Variants in CADPS2 observed in about 807,000 individuals in gnomAD.
CADPS2 encodes the protein calcium dependent secretion activator 2, also known as calcium-dependent secretion activator 2.
Under a neutral mutation model 172.5 loss-of-function variants are expected in CADPS2, and 93 were observed. The observed-to-expected ratio is 0.54, with a 90% confidence interval of 0.46 to 0.64. CADPS2 has a LOEUF of 0.64. Among genes scored for constraint, CADPS2 ranks in the 30% least tolerant of loss-of-function variants. CADPS2 has a pLI of 0.00. For synonymous variants in CADPS2, 546 were observed against 555.2 expected (o/e 0.98, Z 0.23); for missense variants, 1,420 against 1,565.9 (o/e 0.91, Z 1.57).
At position 122,447,543 on chromosome 7, in the gene CADPS2, A is replaced by ATTTTTTTTTTTTTTTTTTTTTTTTTT. The variant is rs1159112244; in HGVS notation, c.2288+3805_2288+3830dup. Among the ~76,000 whole-genome samples the ATTTTTTTTTTTTTTTTTTTTTTTTTT allele has an allele frequency of 5.2e-4, 47 of 89,796 alleles. 9 individuals carry two copies. Among genetic ancestry groups the ATTTTTTTTTTTTTTTTTTTTTTTTTT allele is most frequent in the East Asian group, 2.7e-3 (7 of 2,592 alleles). 58.9% of individuals were successfully genotyped at this position (89,796 alleles called of 152,430 possible). On this transcript the variant is annotated intron_variant, in intron 15 of 29. Coordinates refer to ENST00000449022, the MANE Select transcript of CADPS2 (RefSeq NM_017954.11). ...CCATGTTGATTTCTTGTTTCGGGGA[A>ATTTTTTTTTTTTTTTTTTTTTTTTTT]TTTTTTTTTTTTTTTTTTTTTTTTT...
intron 19 of CADPS2, chr7:122,413,140 G>A (rs1212183140): frequency 6.6e-6 from 1 of 152,366 alleles, no homozygotes; most frequent in African/African-American, 2.4e-5. Flanking sequence ...TGTGTGTGGA[G>A]GGGGGCATAC....
At chr7:122,529,831 T>C (rs1450633350) in intron 8 of CADPS2, among the ~76,000 whole-genome samples, 1 of 152,150 alleles carries the variant, frequency 6.6e-6, no homozygotes, top group Non-Finnish European at 1.5e-5. Flanking sequence ...CATTTATATC[T>C]GCTTTTCAGG....
intron 8 of CADPS2, among the ~76,000 whole-genome samples, chr7:122,529,758 C>A (rs894227253): frequency 6.6e-6 from 1 of 152,062 alleles, no homozygotes; most frequent in African/African-American, 2.4e-5. Context: ...AAATGTGGAT[C>A]CCGCTTGAAG....
At chr7:122,542,365 C>T (rs552165998) in intron 8 of CADPS2, among the ~76,000 whole-genome samples, 7 of 152,212 alleles carry the variant, frequency 4.6e-5, no homozygotes, top group African/African-American at 1.7e-4. Context: ...CTAACACTCT[C>T]GTTCTCTCAG....
At chr7:122,854,404 G>A (rs1402012974) in intron 1 of CADPS2, among the ~76,000 whole-genome samples, 1 of 152,130 alleles carries the variant, frequency 6.6e-6, no homozygotes, top group African/African-American at 2.4e-5. Flanking sequence ...TGCGTTCACT[G>A]CCTTCTACTC....
chr7:122,774,153 A>G (rs2093794382), intron 1 of CADPS2, among the ~76,000 whole-genome samples: 2 of 152,026 alleles, frequency 1.3e-5, no homozygotes, highest in African/African-American at 4.8e-5. Context: ...TGCCATATAT[A>G]TTAATCTCTA....
intron 2 of CADPS2, among the ~76,000 whole-genome samples, chr7:122,692,596 G>A (rs937755866): frequency 2.6e-5 from 4 of 152,132 alleles, no homozygotes; most frequent in African/African-American, 7.2e-5. Flanking sequence ...CCCATGCTGC[G>A]GCCACATAGC....
At chr7:122,346,125 G>C (rs954374338) in intron 27 of CADPS2, among the ~76,000 whole-genome samples, 1 of 152,076 alleles carries the variant, frequency 6.6e-6, no homozygotes, top group Non-Finnish European at 1.5e-5. Context: ...CCAGCACTTT[G>C]AAAGGCTGAG....
intron 8 of CADPS2, among the ~76,000 whole-genome samples, chr7:122,528,724 A>G (rs1355162174): frequency 6.6e-6 from 1 of 152,146 alleles, no homozygotes; most frequent in Non-Finnish European, 1.5e-5. Flanking sequence ...TGAAACCAAG[A>G]TAGTAGGAAA....
chr7:122,816,679 T>C lies in CADPS2; in HGVS notation c.339+69320A>G, dbSNP rs948216226. Among the ~76,000 whole-genome samples the C allele has an allele frequency of 7.9e-5, 12 of 152,236 alleles. No homozygotes were observed. The East Asian group carries it at 1.2e-3, about 15-fold the overall frequency. On this transcript the variant is annotated intron_variant, in intron 1 of 29. Coordinates refer to ENST00000449022, the MANE Select transcript of CADPS2 (RefSeq NM_017954.11). ...TGTAGGAAGAGTTCCCCTTTCTCCA[T>C]GTCTTCGGCAGCATCCATTATTGCC... is the stretch of plus-strand genomic sequence containing the variant.
chr7:122,683,981 G>A (rs1450565466), intron 2 of CADPS2, among the ~76,000 whole-genome samples: 3 of 152,086 alleles, frequency 2.0e-5, no homozygotes, highest in African/African-American at 7.2e-5. Flanking sequence ...TGTACCCTGA[G>A]CTGCTAGGTT....
At position 122,621,688 on chromosome 7, in the gene CADPS2, T is replaced by G. The variant is rs1351175550; in HGVS notation, c.897A>C (p.Lys299Asn). Residue 299 changes from lysine to asparagine, a missense_variant, in exon 5 of 30, where the codon AAA (lysine) becomes AAC (asparagine). Physicochemically the swap from Lys to Asn is moderately conservative, Grantham distance 94 (BLOSUM62 0). Coordinates refer to ENST00000449022, the MANE Select transcript of CADPS2 (RefSeq NM_017954.11). ...CTTCTATATACATATTCTCCATATC[T>G]TTTGCTATAAATTTGGGGAATTTTC... ...KERKFPKFIA[K>N]DMENMYIEEL... 2 of 1,593,376 alleles carry G rather than the reference T, an allele frequency of 1.3e-6. No homozygotes were observed. The highest frequency in any genetic ancestry group is 2.7e-5 in the African/African-American group (2 of 73,926).
chr7:122,385,582 A>G (rs1352900282), intron 24 of CADPS2, among the ~76,000 whole-genome samples: 7 of 152,040 alleles, frequency 4.6e-5, no homozygotes, highest in Non-Finnish European at 5.9e-5. Context: ...CAAAAAAAAA[A>G]GTATACACTA....
intron 3 of CADPS2, among the ~76,000 whole-genome samples, chr7:122,655,117 G>A (rs1487386260): frequency 1.3e-5 from 2 of 152,138 alleles, no homozygotes; most frequent in African/African-American, 2.4e-5. Context: ...TCTTATGGAC[G>A]AACAAAGAAA....
intron 17 of CADPS2, among the ~76,000 whole-genome samples, chr7:122,422,330 C>A (rs1029533990): frequency 1.4e-4 from 21 of 152,140 alleles, no homozygotes; most frequent in African/African-American, 5.1e-4. Flanking sequence ...CATCTAATTT[C>A]TTCTACGTGG....
rs1563948463 is a variant in CADPS2, at chr7:122,645,393, G to GTACATATACACACATATGTACATGTGTA, written c.787-16066_787-16065insTACACATGTACATATGTGTGTATATGTA. On this transcript the variant is annotated intron_variant, in intron 3 of 29. Transcript: ENST00000449022. Reference sequence around the variant, plus strand: ...TATACACACATATGTACATGTGTGTGTATATATGTACATATACACACATGT... The same window carrying GTACATATACACACATATGTACATGTGTA: ...TATACACACATATGTACATGTGTGTGTACATATACACACATATGTACATGTGTATATATATGTACATATACACACATGT... Among the ~76,000 whole-genome samples the GTACATATACACACATATGTACATGTGTA allele has an allele frequency of 9.1e-5, 5 of 54,802 alleles. No individual in the cohort carries two copies. In the East Asian group the frequency reaches 1.3e-3, roughly 14 times the overall value. The allele number at this position is 54,802 out of a possible 152,430, so 36.0% of individuals were successfully genotyped here.
At chr7:122,563,554 C>T (rs927371118) in intron 7 of CADPS2, among the ~76,000 whole-genome samples, 2 of 152,048 alleles carry the variant, frequency 1.3e-5, no homozygotes, top group African/African-American at 2.4e-5. Context: ...TTTTATATCG[C>T]CCCCCTCAAT....
At chr7:122,561,480 G>C (rs2065772626) in intron 7 of CADPS2, among the ~76,000 whole-genome samples, 2 of 152,022 alleles carry the variant, frequency 1.3e-5, no homozygotes, top group Admixed American at 1.3e-4. Context: ...CATGATGGGA[G>C]GATTAAGGAT....
rs542635623 is a variant in CADPS2, at chr7:122,635,171, T to C, written c.787-5843A>G. On this transcript the variant is annotated intron_variant, in intron 3 of 29. Coordinates refer to ENST00000449022, the MANE Select transcript of CADPS2 (RefSeq NM_017954.11). Reference sequence around the variant, plus strand: ...GTAGATGTCTATTAGGTCCAATTGGTTAAGTGTTGAGTTTAATTCTGGAAT... The same window carrying C: ...GTAGATGTCTATTAGGTCCAATTGGCTAAGTGTTGAGTTTAATTCTGGAAT... Among the ~76,000 whole-genome samples the C allele has an allele frequency of 6.2e-4, 95 of 152,232 alleles. 1 individual carries two copies. Among genetic ancestry groups the C allele is most frequent in the Non-Finnish European group, 3.5e-4 (24 of 68,016 alleles).
Sources: allele counts gnomAD v4.1 joint callset (sites outside exome capture counted in the v4.1 genomes callset), GRCh38; gene constraint gnomAD v4.1.1; transcripts MANE v1.5; gene names NCBI Gene and HGNC (gene_info 2026-07-23, HGNC 2026-07-21).